NUP62CL: variants seen among roughly 807,000 people sequenced by gnomAD.
NUP62CL encodes the protein nucleoporin-62 C-terminal-like protein.
In NUP62CL, 13 loss-of-function variants were observed where a neutral mutation model predicts 15.3. The ratio of observed to expected loss-of-function variants is 0.85; its 90% confidence interval spans 0.55 to 1.35. The LOEUF (loss-of-function observed/expected upper bound fraction) is 1.35. Among genes scored for constraint, NUP62CL ranks in the 40% most tolerant of loss-of-function variants. The pLI, the probability that NUP62CL is intolerant of heterozygous loss-of-function variation, is 0.00. For missense variants in NUP62CL, 123 were observed against 130.6 expected (o/e 0.94, Z 0.28); for synonymous variants, 54 against 49.2 (o/e 1.10, Z -0.41).
chrX:107,180,413 G>T (rs938157550), intron 2 of NUP62CL, among the ~76,000 whole-genome samples: 59 of 111,655 alleles, frequency 5.3e-4, no homozygotes, highest in African/African-American at 1.9e-3. Flanking sequence ...ATCAGCAAGG[G>T]ACTGGATATA....
intron 4 of NUP62CL, among the ~76,000 whole-genome samples, chrX:107,164,163 A>G (rs908769493): frequency 8.9e-6 from 1 of 112,060 alleles, no homozygotes; most frequent in African/African-American, 3.2e-5. Flanking sequence ...TTCTAATACC[A>G]CAATGGGATC....
intron 7 of NUP62CL, among the ~76,000 whole-genome samples, chrX:107,149,904 G>GT (rs934561407): frequency 2.1e-4 from 23 of 109,543 alleles, no homozygotes; most frequent in Admixed American, 1.9e-3. Flanking sequence ...GAAATAAGCT[G>GT]TTTAATCAGA....
At chrX:107,198,831 T>C (rs1927419330) in intron 1 of NUP62CL, among the ~76,000 whole-genome samples, 1 of 112,396 alleles carries the variant, frequency 8.9e-6, no homozygotes, top group East Asian at 2.8e-4. Flanking sequence ...CGCAGCTTCA[T>C]TCTTGAAGTC....
At chrX:107,156,819 C>A (rs1222464056) in intron 4 of NUP62CL, among the ~76,000 whole-genome samples, 1 of 107,099 alleles carries the variant, frequency 9.3e-6, no homozygotes, top group Non-Finnish European at 1.9e-5. Context: ...TTCAGACGAT[C>A]AAATTACTCT....
chrX:107,201,910 C>A (rs1927495915), intron 1 of NUP62CL, among the ~76,000 whole-genome samples: 2 of 110,876 alleles, frequency 1.8e-5, no homozygotes, highest in Admixed American at 9.6e-5. Context: ...TGCACTCCAG[C>A]CTGGGCAGCA....
At chrX:107,203,304 C>T (rs1441534504) in intron 1 of NUP62CL, among the ~76,000 whole-genome samples, 3 of 105,565 alleles carry the variant, frequency 2.8e-5, no homozygotes, top group Non-Finnish European at 3.9e-5. Context: ...AGTGCAGTGG[C>T]GTAATCACAG....
chrX:107,148,794 A>T (rs749907898), intron 7 of NUP62CL, among the ~76,000 whole-genome samples: 2 of 111,423 alleles, frequency 1.8e-5, no homozygotes, highest in Non-Finnish European at 3.8e-5. Context: ...TCACAAAAAA[A>T]GGGGGAATAA....
intron 2 of NUP62CL, among the ~76,000 whole-genome samples, chrX:107,188,336 G>A (rs1200187039): frequency 9.0e-6 from 1 of 111,227 alleles, no homozygotes; most frequent in African/African-American, 3.3e-5. Flanking sequence ...CTGTATTAGC[G>A]GGATAATGAA....
At chrX:107,157,629 C>T (rs1252201263) in intron 4 of NUP62CL, among the ~76,000 whole-genome samples, 2 of 107,711 alleles carry the variant, frequency 1.9e-5, no homozygotes, top group African/African-American at 6.8e-5. Flanking sequence ...CTGAAGGAAG[C>T]GCTAAACATG....
At chrX:107,190,277 C>G (rs769974217) in intron 2 of NUP62CL, among the ~76,000 whole-genome samples, 1 of 112,052 alleles carries the variant, frequency 8.9e-6, no homozygotes, top group Admixed American at 9.5e-5. Context: ...TGTCATACTA[C>G]CCTAAAGATA....
intron 4 of NUP62CL, among the ~76,000 whole-genome samples, chrX:107,163,184 T>G (rs1393401696): frequency 8.9e-6 from 1 of 111,802 alleles, no homozygotes; most frequent in Non-Finnish European, 1.9e-5. Flanking sequence ...TGATATTCAA[T>G]GTACACAGAA....
Position 107,124,052 on chromosome X carries a change from T to C in NUP62CL, c.*323A>G, listed in dbSNP as rs763828278. 2 of 225,011 alleles carry C rather than the reference T, an allele frequency of 8.9e-6. No individual in the cohort carries two copies. Among genetic ancestry groups the C allele is most frequent in the Non-Finnish European group, 1.6e-5 (2 of 125,350 alleles). The allele number at this position is 225,011 out of a possible 1,213,427, so 18.5% of individuals were successfully genotyped here. Reference sequence around the variant, plus strand: ...TGCTGTCTGGACAAAGGGGCTAGTATAATTTTGATTTTCTAATACTAAAAA... The same window carrying C: ...TGCTGTCTGGACAAAGGGGCTAGTACAATTTTGATTTTCTAATACTAAAAA... On this transcript the variant is annotated 3_prime_UTR_variant, in exon 9 of 9. Transcript: ENST00000372466.
intron 4 of NUP62CL, among the ~76,000 whole-genome samples, chrX:107,159,817 A>G (rs1189430204): frequency 2.3e-5 from 2 of 87,245 alleles, no homozygotes; most frequent in African/African-American, 4.3e-5. Context: ...AGGGTATTCA[A>G]TTAGGAAAAG....
In NUP62CL at chrX:107,176,987, A is replaced by G. The variant is rs1398852221; in HGVS notation, c.-47-1794T>C. Among the ~76,000 whole-genome samples, 4 of 107,933 alleles carry G rather than the reference A, an allele frequency of 3.7e-5. No individual in the cohort carries two copies. The East Asian group carries it at 1.2e-3, about 32-fold the overall frequency. The allele number at this position is 107,933 out of a possible 115,157, so 93.7% of individuals were successfully genotyped here. The stretch of plus-strand genomic sequence containing the variant: ...CTAGCCAGGACAATAGGCAGGAAAA[A>G]GAAATAAAACACATGTGGATTGAAA... On this transcript the variant is annotated intron_variant, in intron 2 of 8. Coordinates refer to ENST00000372466, the MANE Select transcript of NUP62CL (RefSeq NM_017681.3).
intron 4 of NUP62CL, among the ~76,000 whole-genome samples, chrX:107,164,037 T>G (rs981842926): frequency 8.1e-5 from 9 of 111,786 alleles, no homozygotes; most frequent in African/African-American, 2.6e-4. Context: ...CATTCCACCC[T>G]GCAGCAGAAA....
intron 3 of NUP62CL, among the ~76,000 whole-genome samples, chrX:107,173,000 T>A (rs1926686592): frequency 9.0e-6 from 1 of 111,656 alleles, no homozygotes; most frequent in Non-Finnish European, 1.9e-5. Flanking sequence ...TCCTGATAAT[T>A]CTAAAATCTT....
intron 3 of NUP62CL, 113 bp from the exon 4 acceptor site, chrX:107,167,897 C>A: frequency 3.0e-6 from 2 of 676,333 alleles, no homozygotes; most frequent in Non-Finnish European, 4.3e-6. Flanking sequence ...AATTTGAACT[C>A]AAAGATGCAG....
intron 4 of NUP62CL, among the ~76,000 whole-genome samples, chrX:107,154,985 T>C (rs956592558): frequency 5.0e-4 from 56 of 111,969 alleles, no homozygotes; most frequent in African/African-American, 1.8e-3. Flanking sequence ...GCTTCACCTC[T>C]TGCCTCTGGT....
At chrX:107,178,092 A>G (rs994543989) in intron 2 of NUP62CL, among the ~76,000 whole-genome samples, 1 of 112,027 alleles carries the variant, frequency 8.9e-6, no homozygotes. Context: ...AGCTAGTCAC[A>G]AAAGACTGAA....
Sources: allele counts gnomAD v4.1 joint callset (sites outside exome capture counted in the v4.1 genomes callset), GRCh38; gene constraint gnomAD v4.1.1; transcripts MANE v1.5; gene names NCBI Gene and HGNC (gene_info 2026-07-23, HGNC 2026-07-21).